ATRX: variants seen among roughly 807,000 people sequenced by gnomAD.
The protein encoded by ATRX is chromatin remodeler ATRX.
In ATRX, 12 loss-of-function variants were observed where a neutral mutation model predicts 172.6. The ratio of observed to expected loss-of-function variants is 0.07; its 90% confidence interval spans 0.04 to 0.11. ATRX has a LOEUF of 0.11. Ranked by LOEUF, ATRX falls within the 10% of genes least tolerant of loss-of-function variation. The probability of loss-of-function intolerance (pLI) is 1.00; values close to 1 mark genes in which losing one functional copy is unlikely to be tolerated. For missense variants in ATRX, 1,368 were observed against 1,767.4 expected, an observed-to-expected ratio of 0.77 and a Z score of 4.05; for synonymous variants, 674 against 594.7, an observed-to-expected ratio of 1.13 and a Z score of -1.94.
At chrX:77,717,708 G>A (rs782149754) in intron 1 of ATRX, among the ~76,000 whole-genome samples, 1 of 110,947 alleles carries the variant, frequency 9.0e-6, no homozygotes, top group South Asian at 3.8e-4. Context: ...TAAGGAAACT[G>A]CTGATATTAC....
intron 22 of ATRX, among the ~76,000 whole-genome samples, chrX:77,612,868 A>C: frequency 9.0e-6 from 1 of 111,629 alleles, no homozygotes; most frequent in Non-Finnish European, 1.9e-5. Context: ...TGTCTGATAT[A>C]TTTCACTTAG....
intron 28 of ATRX, among the ~76,000 whole-genome samples, chrX:77,559,140 A>G (rs1020842880): frequency 9.0e-6 from 1 of 111,169 alleles, no homozygotes. Context: ...TTCTGAATAA[A>G]TTTAGAGAAT....
chrX:77,508,356 T>C lies in ATRX; in HGVS notation c.7474A>G (p.Met2492Val), dbSNP rs782741679. Reference sequence around the variant, plus strand: ...ATTAAGCTTTTAGTGCAAAATCACATTGATTTCCCTTGGGAAGGTCCTGGA... The same window carrying C: ...ATTAAGCTTTTAGTGCAAAATCACACTGATTTCCCTTGGGAAGGTCCTGGA... The part of the protein sequence containing the change: ...KNPGPSQGKS[M>V] The change falls in exon 35 of 35, where the codon ATG becomes GTG. Residue 2492 changes from methionine to valine, a missense_variant. Transcript: ENST00000373344. 3.3e-6 allele frequency: 4 copies of C among 1,210,968 alleles called. No individual in the cohort carries two copies. Among genetic ancestry groups the C allele is most frequent in the Admixed American group, 4.3e-5 (2 of 46,033 alleles).
chrX:77,751,357 C>T (rs2075293315), intron 1 of ATRX, among the ~76,000 whole-genome samples: 1 of 112,324 alleles, frequency 8.9e-6, no homozygotes, highest in African/African-American at 3.2e-5. Flanking sequence ...ATATCCTTTA[C>T]CCACTTTTTG....
Position 77,623,175 on chromosome X carries a change from AG to A in ATRX, c.5135-2644del, listed in dbSNP as rs2067672009. Among the ~76,000 whole-genome samples, 3 of 112,144 alleles carry A rather than the reference AG, an allele frequency of 2.7e-5. No homozygotes were observed. The South Asian group carries it at 1.1e-3, about 41-fold the overall frequency. ...GATAGAACATTAGCAAGATTAACCA[AG>A]AAAAGAAGAGAGAAAATCCAAATAA... On this transcript the variant is annotated intron_variant, in intron 19 of 34. Transcript: ENST00000373344.
intron 29 of ATRX, among the ~76,000 whole-genome samples, chrX:77,558,025 T>C (rs1032272569): frequency 3.6e-5 from 4 of 111,344 alleles, no homozygotes; most frequent in Non-Finnish European, 1.9e-5. Context: ...AGAGAGCAGT[T>C]TGATTCCTTT....
chrX:77,603,606 C>T (rs1234166986), intron 22 of ATRX, among the ~76,000 whole-genome samples: 2 of 108,072 alleles, frequency 1.9e-5, no homozygotes, highest in Non-Finnish European at 3.8e-5. Context: ...GAACTCCTGG[C>T]CTCAAGTGAT....
chrX:77,514,616 C>T (rs1487292241), intron 34 of ATRX, among the ~76,000 whole-genome samples: 5 of 112,241 alleles, frequency 4.5e-5, no homozygotes, highest in African/African-American at 1.3e-4. Flanking sequence ...ACTCAAGATG[C>T]ATTCAATACT....
chrX:77,664,805 G>T, intron 10 of ATRX, 27 bp from the exon 11 acceptor site: 1 of 1,166,532 alleles, frequency 8.6e-7, no homozygotes, highest in Non-Finnish European at 1.2e-6. Context: ...AATAAAAAAA[G>T]AACTATATAT....
intron 30 of ATRX, among the ~76,000 whole-genome samples, chrX:77,540,883 A>G (rs2063954354): frequency 9.0e-6 from 1 of 111,721 alleles, no homozygotes; most frequent in African/African-American, 3.3e-5. Context: ...TAAAATCAAC[A>G]CTCTAACATC....
chrX:77,651,662 A>AGG (rs1457058612), intron 15 of ATRX, among the ~76,000 whole-genome samples: 8 of 111,340 alleles, frequency 7.2e-5, no homozygotes, highest in Non-Finnish European at 1.3e-4. Flanking sequence ...GCACAAGACC[A>AGG]GCCTGGCCAA....
At position 77,603,128 on chromosome X, in the gene ATRX, T is replaced by C. The variant is rs146549893; in HGVS notation, c.5567-2564A>G. Among the ~76,000 whole-genome samples, 863 of 111,121 alleles carry C rather than the reference T, an allele frequency of 7.8e-3. 8 individuals are homozygous for C. Among genetic ancestry groups the C allele is most frequent in the African/African-American group, 0.027 (834 of 30,650 alleles). On this transcript the variant is annotated intron_variant, in intron 22 of 34. Transcript: ENST00000373344. ...AAAAATTATATACCAAGAAATTGAA[T>C]AATCTACAGGAAATAAATTCCTACA... is the stretch of plus-strand genomic sequence containing the variant.
intron 2 of ATRX, among the ~76,000 whole-genome samples, chrX:77,702,626 AAAG>A (rs1437488266): frequency 8.9e-6 from 1 of 112,062 alleles, no homozygotes; most frequent in Non-Finnish European, 1.9e-5. Context: ...TTTGAAAAAA[AAAG>A]AAGTACAAAA....
chrX:77,584,809 G>T (rs2065948552), intron 27 of ATRX, among the ~76,000 whole-genome samples: 1 of 110,970 alleles, frequency 9.0e-6, no homozygotes, highest in African/African-American at 3.3e-5. Flanking sequence ...AGACAAATGT[G>T]ATTTCATCAA....
rs1202602540 is a variant in ATRX, at chrX:77,507,903, G to C, written c.*448C>G. ...TCACTTTAATCAAGAAATGGATTAA[G>C]TACAAAAGTATTTCATAACTTGAGG... On this transcript the variant is annotated 3_prime_UTR_variant, in exon 35 of 35. Coordinates refer to ENST00000373344, the MANE Select transcript of ATRX (RefSeq NM_000489.6). The C allele has an allele frequency of 1.7e-5, 3 of 176,334 alleles. No individual in the cohort carries two copies. Among genetic ancestry groups the C allele is most frequent in the East Asian group, 8.1e-5 (1 of 12,274 alleles). The allele number at this position is 176,334 out of a possible 1,213,427, so 14.5% of individuals were successfully genotyped here.
At chrX:77,663,779 G>A (rs1414746485) in intron 11 of ATRX, among the ~76,000 whole-genome samples, 1 of 111,561 alleles carries the variant, frequency 9.0e-6, no homozygotes, top group African/African-American at 3.3e-5. Flanking sequence ...AGAACCCTTT[G>A]TAAGGTATAA....
chrX:77,671,217 G>C (rs1198443353), intron 10 of ATRX, among the ~76,000 whole-genome samples: 7 of 77,667 alleles, frequency 9.0e-5, no homozygotes, highest in African/African-American at 2.9e-4. Flanking sequence ...ATAATGATCT[G>C]TACCCCAAAA....
At chrX:77,522,204 C>G (rs2063253002) in intron 32 of ATRX, 59 bp downstream of exon 32, 1 of 1,195,912 alleles carries the variant, frequency 8.4e-7, no homozygotes, top group East Asian at 3.0e-5. Context: ...CCCTCAACAA[C>G]AAGGCACTTG....
chrX:77,521,391 C>T lies in ATRX; in HGVS notation c.7071+12G>A. The T allele has an allele frequency of 8.4e-7, 1 of 1,187,442 alleles. No individual in the cohort carries two copies. On this transcript the variant is annotated intron_variant, in intron 33 of 34. Coordinates refer to ENST00000373344, the MANE Select transcript of ATRX (RefSeq NM_000489.6). ...TTGGAGGTTGGAATAAGACAATTGC[C>T]AATTAGCTTACTACAGCTGAAATTA...
Sources: gnomAD v4.1 joint callset for allele counts (sites outside exome capture counted in the v4.1 genomes callset) on GRCh38, gnomAD v4.1.1 for gene constraint, MANE v1.5 for transcripts, NCBI Gene and HGNC (gene_info 2026-07-23, HGNC 2026-07-21) for gene names.